Variants in OMA1 observed in about 807,000 individuals in gnomAD.
OMA1 encodes the protein metalloendopeptidase OMA1, mitochondrial.
In OMA1, 38 loss-of-function variants were observed where a neutral mutation model predicts 30.9. The observed-to-expected ratio is 1.23, with a 90% CI of 0.95 to 1.61. The LOEUF (loss-of-function observed/expected upper bound fraction) is 1.61, where lower values mean the gene tolerates loss of function less well. OMA1 is among the 40% of genes most tolerant of loss of function. The probability of loss-of-function intolerance (pLI) is 0.00; values close to 1 mark genes in which losing one functional copy is unlikely to be tolerated. For missense variants in OMA1, 461 were observed against 349.2 expected (o/e 1.32, Z -2.55); for synonymous variants, 173 against 121.9 (o/e 1.42, Z -2.76).
intron 8 of OMA1, among the ~76,000 whole-genome samples, chr1:58,499,946 AAAGT>A (rs2100402348): frequency 6.6e-6 from 1 of 152,278 alleles, no homozygotes; most frequent in Admixed American, 6.5e-5. Flanking sequence ...ACAAAAAGTA[AAAGT>A]AAGTTTAAAA....
chr1:58,487,512 C>T (rs1256685600), intron 8 of OMA1, among the ~76,000 whole-genome samples: 2 of 152,170 alleles, frequency 1.3e-5, no homozygotes, highest in African/African-American at 4.8e-5. Context: ...TACCTTTCTA[C>T]ATTTTGAAGG....
rs752689946 is a variant in OMA1, at chr1:58,481,198, A to G, written c.1366-24T>C. 5 of 737,724 alleles carry G rather than the reference A, an allele frequency of 6.8e-6. No individual in the cohort carries two copies. In the South Asian group the frequency reaches 7.2e-5, roughly 11 times the overall value. The allele number at this position is 737,724 out of a possible 1,614,324, so 45.7% of individuals were successfully genotyped here. Reference sequence around the variant, plus strand: ...GCCTATAAAGAAATAATAAAATAAAAAAATACTATATATATACATCAATGT... The same window carrying G: ...GCCTATAAAGAAATAATAAAATAAAGAAATACTATATATATACATCAATGT... On this transcript the variant is annotated intron_variant, in intron 8 of 8. Transcript: ENST00000371226.
At chr1:58,523,216 C>T (rs1646294557) in intron 7 of OMA1, among the ~76,000 whole-genome samples, 1 of 152,206 alleles carries the variant, frequency 6.6e-6, no homozygotes, top group South Asian at 2.1e-4. Context: ...AAACCCTTCA[C>T]TCCCCACCTT....
At chr1:58,531,727 TG>T (rs147383415) in intron 5 of OMA1, among the ~76,000 whole-genome samples, 17,637 of 142,516 alleles carry the variant, frequency 0.12, 1,220 homozygotes, top group African/African-American at 0.19. Flanking sequence ...TTTTTTTTTT[TG>T]AGACAGAGTC....
chr1:58,506,090 T>C lies in OMA1; in HGVS notation c.1335A>G (p.Arg445=). The C allele has an allele frequency of 1.1e-6, 1 of 871,736 alleles. No homozygotes were observed. The highest frequency in any genetic ancestry group is 2.0e-6 in the Non-Finnish European group (1 of 500,764). 54.0% of individuals were successfully genotyped at this position (871,736 alleles called of 1,614,324 possible). ...WLSTHPSHGN[R]VEYLDRLIPQ... The stretch of plus-strand genomic sequence containing the variant: ...GTATAAGTCTATCCAAGTACTCAAC[T>C]CGATTGCCATGAGAAGGGTGTGTAG... Residue 445 remains arginine, a synonymous_variant, in exon 8 of 9, where the codon CGA becomes CGG. Transcript: ENST00000371226.
At chr1:58,541,112 C>CCAGCCTGGCCAACT (rs71043291) in intron 1 of OMA1, among the ~76,000 whole-genome samples, 42 of 151,320 alleles carry the variant, frequency 2.8e-4, no homozygotes, top group African/African-American at 9.4e-4. Flanking sequence ...GCATTCGAGG[C>CCAGCCTGGCCAACT]GTGAAACCCC....
intron 1 of OMA1, among the ~76,000 whole-genome samples, chr1:58,539,965 A>G (rs1295413359): frequency 2.0e-5 from 3 of 152,130 alleles, no homozygotes; most frequent in Non-Finnish European, 4.4e-5. Context: ...TTCTGCAGAG[A>G]ATCCCCCTCC....
intron 7 of OMA1, among the ~76,000 whole-genome samples, chr1:58,525,251 TGTGA>T (rs1194971200): frequency 7.2e-5 from 11 of 152,278 alleles, no homozygotes; most frequent in East Asian, 5.8e-4. Flanking sequence ...ATGGTTCACC[TGTGA>T]GTTTTTTCAA....
intron 1 of OMA1, among the ~76,000 whole-genome samples, chr1:58,539,895 A>G (rs1646577861): frequency 6.6e-6 from 1 of 152,144 alleles, no homozygotes; most frequent in Non-Finnish European, 1.5e-5. Context: ...CAAGGTTGCT[A>G]GAGCTCACAG....
chr1:58,530,812 C>A lies in OMA1; in HGVS notation c.1012-83G>T, dbSNP rs150729002. Reference sequence around the variant, plus strand: ...ACATTTTCTAGTTCATCATGTGTTACAATTACCTGACCTTCTCCACCTAAG... The same window carrying A: ...ACATTTTCTAGTTCATCATGTGTTAAAATTACCTGACCTTCTCCACCTAAG... On this transcript the variant is annotated intron_variant, in intron 5 of 8. Coordinates refer to ENST00000371226, the MANE Select transcript of OMA1 (RefSeq NM_145243.5). 68 of 749,668 alleles carry A rather than the reference C, an allele frequency of 9.1e-5. No individual in the cohort carries two copies. The African/African-American group carries it at 9.4e-4, about 10-fold the overall frequency. The allele number at this position is 749,668 out of a possible 1,614,324, so 46.4% of individuals were successfully genotyped here.
In OMA1 at chr1:58,491,288, C is replaced by A. The variant is rs186051238; in HGVS notation, c.1366-10114G>T. The stretch of plus-strand genomic sequence containing the variant: ...AGCACTAAACATGGAAAGGAACAAC[C>A]GGTACCAGCCGCAGCAAAAACATGC... On this transcript the variant is annotated intron_variant, in intron 8 of 8. Coordinates refer to ENST00000371226, the MANE Select transcript of OMA1 (RefSeq NM_145243.5). Among the ~76,000 whole-genome samples the A allele has an allele frequency of 8.4e-4, 128 of 152,216 alleles. 1 individual carries two copies. Among genetic ancestry groups the A allele is most frequent in the Middle Eastern group, 3.4e-3 (1 of 294 alleles).
intron 8 of OMA1, among the ~76,000 whole-genome samples, chr1:58,492,723 T>C (rs896453555): frequency 2.0e-5 from 3 of 152,106 alleles, no homozygotes; most frequent in Non-Finnish European, 2.9e-5. Context: ...CAGGAAGAAG[T>C]TGAATCTCTG....
intron 7 of OMA1, among the ~76,000 whole-genome samples, chr1:58,515,004 T>C (rs1229894614): frequency 6.6e-6 from 1 of 152,188 alleles, no homozygotes; most frequent in Non-Finnish European, 1.5e-5. Flanking sequence ...GCCCAGCACA[T>C]TAAAAATGTT....
chr1:58,516,880 G>A (rs1201705595), intron 7 of OMA1, among the ~76,000 whole-genome samples: 3 of 152,164 alleles, frequency 2.0e-5, no homozygotes, highest in African/African-American at 7.2e-5. Flanking sequence ...ATGTCCTTGG[G>A]TCAGGACTTT....
In OMA1 at chr1:58,534,432, G is replaced by C. The variant is rs1646484933; in HGVS notation, c.730-101C>G. 5.1e-6 allele frequency: 3 copies of C among 589,308 alleles called. No individual in the cohort carries two copies. The East Asian group carries it at 9.2e-5, about 18-fold the overall frequency. 36.5% of individuals were successfully genotyped at this position (589,308 alleles called of 1,614,324 possible). On this transcript the variant is annotated intron_variant, in intron 3 of 8. Coordinates refer to ENST00000371226, the MANE Select transcript of OMA1 (RefSeq NM_145243.5). ...GGCTACTTATTATTGAACATTTTAAGTTTTAATTATATAAAAATCTGCATA... is the reference window on the plus strand; with the variant it reads ...GGCTACTTATTATTGAACATTTTAACTTTTAATTATATAAAAATCTGCATA...
intron 7 of OMA1, among the ~76,000 whole-genome samples, chr1:58,517,479 T>C (rs1646175664): frequency 6.6e-6 from 1 of 152,224 alleles, no homozygotes; most frequent in Non-Finnish European, 1.5e-5. Flanking sequence ...TTTATCTATT[T>C]CTTTCTCAGT....
intron 7 of OMA1, among the ~76,000 whole-genome samples, chr1:58,520,124 T>A (rs7517424): frequency 0.64 from 96,972 of 151,836 alleles, 32,591 homozygotes; most frequent in East Asian, 0.82. Flanking sequence ...GGAGCAAGGG[T>A]TGAAAAACCA....
At chr1:58,545,361 A>G (rs1208618317) in intron 1 of OMA1, among the ~76,000 whole-genome samples, 2 of 152,236 alleles carry the variant, frequency 1.3e-5, no homozygotes, top group Non-Finnish European at 2.9e-5. Context: ...TATCATTTCT[A>G]TCACTGACAA....
chr1:58,503,522 T>G (rs972932859), intron 8 of OMA1, among the ~76,000 whole-genome samples: 13 of 152,092 alleles, frequency 8.5e-5, no homozygotes, highest in Admixed American at 6.6e-4. Flanking sequence ...CTGTCAAAAT[T>G]TATATGTTGA....
Sources: gnomAD v4.1 joint callset for allele counts (sites outside exome capture counted in the v4.1 genomes callset) on GRCh38, gnomAD v4.1.1 for gene constraint, MANE v1.5 for transcripts, NCBI Gene and HGNC (gene_info 2026-07-23, HGNC 2026-07-21) for gene names.